LCT: variants seen among roughly 807,000 people sequenced by gnomAD.
The protein encoded by LCT is lactase/phlorizin hydrolase.
Under a neutral mutation model 173.0 loss-of-function variants are expected in LCT, and 90 were observed. The ratio of observed to expected loss-of-function variants is 0.52; its 90% CI spans 0.44 to 0.62. The LOEUF is 0.62. Among genes scored for constraint, LCT ranks in the 20% least tolerant of loss-of-function variants. The pLI, the probability that LCT is intolerant of heterozygous loss-of-function variation, is 0.00. For synonymous variants in LCT, 853 were observed against 957.6 expected (o/e 0.89, Z 2.02); for missense variants, 1,864 against 2,431.4 (o/e 0.77, Z 4.91).
At chr2:135,825,338 C>T (rs1223471582) in intron 3 of LCT, among the ~76,000 whole-genome samples, 1 of 152,192 alleles carries the variant, frequency 6.6e-6, no homozygotes, top group East Asian at 1.9e-4. Context: ...AGCGGGTTGC[C>T]CATGACTGCG....
intron 5 of LCT, 148 bp from the exon 6 acceptor site, chr2:135,818,209 G>A (rs2077797356): frequency 1.1e-6 from 1 of 870,338 alleles, no homozygotes; most frequent in Non-Finnish European, 1.8e-6. Context: ...TGGGCAGGAA[G>A]TAACTGGCAG....
chr2:135,832,222 AAAAAT>A (rs966881400), intron 2 of LCT, among the ~76,000 whole-genome samples: 5 of 151,682 alleles, frequency 3.3e-5, no homozygotes, highest in African/African-American at 1.2e-4. Context: ...ATCTCAAAAA[AAAAAT>A]AAAATAAAAA....
At position 135,788,093 on chromosome 2, in the gene LCT, T is replaced by C; in HGVS notation, c.*231A>G. On this transcript the variant is annotated 3_prime_UTR_variant, in exon 17 of 17. Coordinates refer to ENST00000264162, the MANE Select transcript of LCT (RefSeq NM_002299.4). ...AGTATCTACACGTTTCCGCAAGAGC[T>C]ACTTGCTTCTCAAATGCCCAAATGA... The C allele has an allele frequency of 3.5e-6, 2 of 566,860 alleles. No individual in the cohort carries two copies. Among genetic ancestry groups the C allele is most frequent in the South Asian group, 3.9e-5 (2 of 50,848 alleles). 35.1% of individuals were successfully genotyped at this position (566,860 alleles called of 1,614,324 possible). A position where few individuals can be genotyped will look rare whatever the true frequency, so the allele number is the denominator to read the frequency against.
chr2:135,787,949 T>C lies in LCT; in HGVS notation c.*375A>G, dbSNP rs1284431347. 6.7e-6 allele frequency: 2 copies of C among 300,058 alleles called. No individual in the cohort carries two copies. The highest frequency in any genetic ancestry group is 4.3e-5 in the African/African-American group (2 of 46,132). 18.6% of individuals were successfully genotyped at this position (300,058 alleles called of 1,614,324 possible). ...GATATTGCAGTCTATGCAATGGAGT[T>C]GATTTCTTCTTATAGGAAGGATTTT... On this transcript the variant is annotated 3_prime_UTR_variant, in exon 17 of 17. Coordinates refer to ENST00000264162, the MANE Select transcript of LCT (RefSeq NM_002299.4).
In LCT at chr2:135,817,614, G is replaced by A. The variant is rs1181120563; in HGVS notation, c.1434C>T (p.Asn478=). 9 of 1,614,126 alleles carry A rather than the reference G, an allele frequency of 5.6e-6. No homozygotes were observed. Among genetic ancestry groups the A allele is most frequent in the Non-Finnish European group, 7.6e-6 (9 of 1,180,008 alleles). ...SPSLPGVAYY[N]KLIDRLQDAG... is the part of the protein sequence containing the mutation. ...CATCCTGTAGCCTGTCAATCAGCTT[G>A]TTGTAGTAGGCAACGCCTGGGAGGC... Residue 478 remains asparagine, a synonymous_variant, in exon 6 of 17, where the codon AAC becomes AAT. Transcript: ENST00000264162.
rs1047421240 is a variant in LCT at position 135,819,829 on chromosome 2, C to T, written c.987-1768G>A. 9.2e-5 allele frequency among the ~76,000 whole-genome samples: 14 copies of T among 152,194 alleles called. No individual in the cohort carries two copies. In the Middle Eastern group the frequency reaches 9.5e-3, roughly 103 times the overall value. ...TCCGCTGCTCCGAACCTCGCTCTTA[C>T]CCAGCCCTCCTGGCCCTGACTGTCC... is the stretch of plus-strand genomic sequence containing the variant. On this transcript the variant is annotated intron_variant, in intron 5 of 16. Coordinates refer to ENST00000264162, the MANE Select transcript of LCT (RefSeq NM_002299.4).
intron 6 of LCT, among the ~76,000 whole-genome samples, chr2:135,813,165 T>C (rs1030273002): frequency 6.6e-6 from 1 of 152,082 alleles, no homozygotes; most frequent in African/African-American, 2.4e-5. Context: ...ATCAATGATG[T>C]TAACAAGTCA....
At chr2:135,831,752 GC>G (rs2077942085) in intron 2 of LCT, among the ~76,000 whole-genome samples, 1 of 151,988 alleles carries the variant, frequency 6.6e-6, no homozygotes, top group Non-Finnish European at 1.5e-5. Context: ...GACTCCTGGG[GC>G]CCCCATCAAC....
intron 6 of LCT, among the ~76,000 whole-genome samples, 194 bp from the exon 7 acceptor site, chr2:135,813,150 C>G (rs2077749589): frequency 6.6e-6 from 1 of 152,104 alleles, no homozygotes; most frequent in African/African-American, 2.4e-5. Context: ...AATGTTGACA[C>G]TAACATCAAT....
chr2:135,830,269 G>A (rs565148912), intron 2 of LCT, among the ~76,000 whole-genome samples: 5 of 151,854 alleles, frequency 3.3e-5, no homozygotes, highest in African/African-American at 9.7e-5. Flanking sequence ...CCTGGTCGTC[G>A]ACACCCCCAT....
At chr2:135,799,801 A>G (rs1003925077) in intron 12 of LCT, among the ~76,000 whole-genome samples, 2 of 152,136 alleles carry the variant, frequency 1.3e-5, no homozygotes, top group Non-Finnish European at 2.9e-5. Flanking sequence ...TGACTGAAAG[A>G]TGCTGTTCTT....
chr2:135,800,782 G>A lies in LCT; in HGVS notation c.4691C>T (p.Pro1564Leu). The A allele has an allele frequency of 6.2e-7, 1 of 1,614,096 alleles. No individual in the cohort carries two copies. ...PGVSNRPGTAPYIVGHNLIKA... is the reference protein window; with the variant it reads ...PGVSNRPGTALYIVGHNLIKA... ...TATTAGATTGTGGCCAACAATGTAG[G>A]GGGCAGTGCCAGGCCTATTGGAGAC... is the stretch of plus-strand genomic sequence containing the variant. Residue 1564 changes from proline to leucine, a missense_variant, in exon 12 of 17, where the codon CCC (proline) becomes CTC (leucine). Physicochemically the swap from Pro to Leu is moderately conservative, Grantham distance 98 (BLOSUM62 -3). Transcript: ENST00000264162.
intron 2 of LCT, among the ~76,000 whole-genome samples, chr2:135,831,970 A>G (rs143545701): frequency 4.6e-5 from 7 of 152,152 alleles, no homozygotes; most frequent in Admixed American, 3.3e-4. Flanking sequence ...TAATTCCAGC[A>G]CTTTGGGAGG....
At chr2:135,802,784 T>C (rs1353630993) in intron 11 of LCT, among the ~76,000 whole-genome samples, 2 of 152,176 alleles carry the variant, frequency 1.3e-5, no homozygotes, top group Non-Finnish European at 1.5e-5. Context: ...GATGAAGTTC[T>C]AGTGATGTGT....
Position 135,788,098 on chromosome 2 carries a change from G to T in LCT, c.*226C>A, listed in dbSNP as rs953573077. The T allele has an allele frequency of 7.0e-6, 4 of 573,142 alleles. 1 individual carries two copies. The highest frequency in any genetic ancestry group is 6.2e-6 in the Non-Finnish European group (2 of 320,358). The allele number at this position is 573,142 out of a possible 1,614,324, so 35.5% of individuals were successfully genotyped here. On this transcript the variant is annotated 3_prime_UTR_variant, in exon 17 of 17. Transcript: ENST00000264162. ...CTACACGTTTCCGCAAGAGCTACTT[G>T]CTTCTCAAATGCCCAAATGAACTCT... is the stretch of plus-strand genomic sequence containing the variant.
chr2:135,791,346 G>T (rs922624057), intron 14 of LCT, among the ~76,000 whole-genome samples: 3 of 152,208 alleles, frequency 2.0e-5, no homozygotes, highest in African/African-American at 7.2e-5. Flanking sequence ...ATTTGTAGGG[G>T]CCCTGCTTTG....
At chr2:135,814,995 T>C (rs555452090) in intron 6 of LCT, among the ~76,000 whole-genome samples, 16 of 152,188 alleles carry the variant, frequency 1.1e-4, no homozygotes, top group African/African-American at 3.9e-4. Flanking sequence ...GGTGGTGGTA[T>C]TAGTGTCCTT....
intron 5 of LCT, among the ~76,000 whole-genome samples, chr2:135,819,830 C>G (rs1305508513): frequency 6.6e-6 from 1 of 152,168 alleles, no homozygotes; most frequent in Non-Finnish European, 1.5e-5. Flanking sequence ...TCGCTCTTAC[C>G]CAGCCCTCCT....
chr2:135,821,766 A>C, intron 5 of LCT: 1 of 497,272 alleles, frequency 2.0e-6, no homozygotes, highest in Non-Finnish European at 3.6e-6. Context: ...CTGGGATTAC[A>C]GGTGTGAGCC....
Sources: allele counts gnomAD v4.1 joint callset (sites outside exome capture counted in the v4.1 genomes callset), GRCh38; gene constraint gnomAD v4.1.1; transcripts MANE v1.5; gene names NCBI Gene and HGNC (gene_info 2026-07-23, HGNC 2026-07-21).